Variants in FHIP2A observed in about 807,000 individuals in gnomAD.
The protein encoded by FHIP2A is family with sequence similarity 160 member B1.
In FHIP2A, 46 loss-of-function variants were observed where a neutral mutation model predicts 93.5. The observed-to-expected ratio is 0.49, with a 90% CI of 0.39 to 0.63. The LOEUF (loss-of-function observed/expected upper bound fraction) is 0.63, where lower values mean the gene tolerates loss of function less well. FHIP2A is among the 20% of genes least tolerant of loss of function. FHIP2A has a pLI of 0.00. For synonymous variants in FHIP2A, 332 were observed against 326.5 expected (o/e 1.02, Z -0.18); for missense variants, 769 against 909.7 (o/e 0.85, Z 1.99).
At chr10:114,844,051 GATC>G in intron 7 of FHIP2A, 114 bp downstream of exon 7, 1 of 713,412 alleles carries the variant, frequency 1.4e-6, no homozygotes, top group Non-Finnish European at 2.2e-6. Flanking sequence ...CACCACTAGT[GATC>G]ATTAAATGGG....
At chr10:114,836,648 C>T (rs1275360992) in intron 5 of FHIP2A, among the ~76,000 whole-genome samples, 2 of 152,140 alleles carry the variant, frequency 1.3e-5, no homozygotes, top group Non-Finnish European at 2.9e-5. Flanking sequence ...GAAAAAAGCA[C>T]GAGTTATCTC....
chr10:114,828,710 C>T (rs2083591361), intron 1 of FHIP2A, among the ~76,000 whole-genome samples: 1 of 151,744 alleles, frequency 6.6e-6, no homozygotes, highest in Non-Finnish European at 1.5e-5. Flanking sequence ...TTATTTTTTC[C>T]CTCAATCTCC....
intron 16 of FHIP2A, 45 bp downstream of exon 16, chr10:114,861,379 A>G (rs1264255066): frequency 4.3e-6 from 7 of 1,613,844 alleles, no homozygotes; most frequent in African/African-American, 2.7e-5. Flanking sequence ...ATTTCAGTGA[A>G]CTTAATGATC....
intron 14 of FHIP2A, 93 bp from the exon 15 acceptor site, chr10:114,860,656 T>C: frequency 9.1e-7 from 1 of 1,098,086 alleles, no homozygotes; most frequent in Non-Finnish European, 1.4e-6. Flanking sequence ...CTGGCCAGAT[T>C]CTCCTTTCTT....
intron 1 of FHIP2A, among the ~76,000 whole-genome samples, chr10:114,827,767 A>AGCCTGG (rs1481792081): frequency 2.4e-4 from 34 of 142,962 alleles, no homozygotes; most frequent in African/African-American, 8.5e-4. Context: ...ACTGCACTCC[A>AGCCTGG]GCCTGGGTGA....
intron 1 of FHIP2A, among the ~76,000 whole-genome samples, chr10:114,829,752 C>T (rs944444821): frequency 3.3e-5 from 5 of 152,196 alleles, no homozygotes; most frequent in African/African-American, 1.2e-4. Flanking sequence ...CCTCTGACAA[C>T]ACTAGGACTA....
intron 16 of FHIP2A, among the ~76,000 whole-genome samples, chr10:114,880,322 T>A (rs2083910575): frequency 6.6e-6 from 1 of 152,210 alleles, no homozygotes; most frequent in South Asian, 2.1e-4. Flanking sequence ...TTAAAAGCCA[T>A]TGAACCATAC....
chr10:114,871,546 T>G (rs868384472), intron 16 of FHIP2A, among the ~76,000 whole-genome samples: 2 of 152,166 alleles, frequency 1.3e-5, no homozygotes, highest in South Asian at 4.1e-4. Flanking sequence ...ATAATCCATT[T>G]TCCTCACTCA....
intron 1 of FHIP2A, among the ~76,000 whole-genome samples, chr10:114,824,825 T>C (rs1389003193): frequency 2.0e-5 from 3 of 152,230 alleles, no homozygotes; most frequent in African/African-American, 7.2e-5. Flanking sequence ...TAGCATTTCC[T>C]GATGCAGTAT....
At chr10:114,894,360 A>G (rs1430621775) in intron 16 of FHIP2A, among the ~76,000 whole-genome samples, 1 of 148,652 alleles carries the variant, frequency 6.7e-6, no homozygotes, top group African/African-American at 2.5e-5. Context: ...GGAGTTCAAG[A>G]CCAGCCTGGG....
chr10:114,881,038 CT>C (rs1455896891), intron 16 of FHIP2A, among the ~76,000 whole-genome samples: 1 of 152,192 alleles, frequency 6.6e-6, no homozygotes, highest in Non-Finnish European at 1.5e-5. Flanking sequence ...CAGTGTCAAA[CT>C]GCTGACCTGC....
chr10:114,853,565 A>C (rs189171245), intron 13 of FHIP2A, among the ~76,000 whole-genome samples: 5 of 152,362 alleles, frequency 3.3e-5, no homozygotes, highest in African/African-American at 1.2e-4. Flanking sequence ...AACTGCTTTT[A>C]TTCTTTCTGT....
intron 5 of FHIP2A, among the ~76,000 whole-genome samples, chr10:114,837,263 C>A (rs1457572421): frequency 6.6e-6 from 1 of 152,126 alleles, no homozygotes; most frequent in Non-Finnish European, 1.5e-5. Flanking sequence ...ACCTGTAATC[C>A]CAGCATTTTG....
intron 13 of FHIP2A, among the ~76,000 whole-genome samples, chr10:114,851,161 A>G (rs1185389907): frequency 2.0e-5 from 3 of 152,128 alleles, no homozygotes; most frequent in Admixed American, 6.5e-5. Context: ...TGATCTGCCC[A>G]CCTTGGCCTC....
downstream of FHIP2A, among the ~76,000 whole-genome samples, chr10:114,868,307 C>T (rs1485884421): frequency 6.6e-6 from 1 of 152,006 alleles, no homozygotes; most frequent in African/African-American, 2.4e-5. Context: ...CAGCAACATT[C>T]AATTCTCGTA....
chr10:114,834,144 AAAG>A (rs1406324017), intron 3 of FHIP2A, among the ~76,000 whole-genome samples: 18 of 152,354 alleles, frequency 1.2e-4, no homozygotes, highest in Middle Eastern at 3.4e-3. Context: ...GGCTAAAACA[AAAG>A]AAACCTGTAG....
At chr10:114,876,364 G>A (rs953958869) in intron 16 of FHIP2A, among the ~76,000 whole-genome samples, 1 of 152,222 alleles carries the variant, frequency 6.6e-6, no homozygotes, top group Non-Finnish European at 1.5e-5. Flanking sequence ...CCCCCTCATC[G>A]CCCGCAACAG....
chr10:114,824,525 C>T (rs1240765835), intron 1 of FHIP2A, among the ~76,000 whole-genome samples: 1 of 152,156 alleles, frequency 6.6e-6, no homozygotes, highest in Non-Finnish European at 1.5e-5. Flanking sequence ...TTTGTGGCAC[C>T]ACCCATCTTA....
intron 16 of FHIP2A, among the ~76,000 whole-genome samples, chr10:114,884,942 G>T (rs1483702342): frequency 2.0e-5 from 3 of 149,210 alleles, no homozygotes; most frequent in Non-Finnish European, 4.4e-5. Flanking sequence ...TATATGTAGA[G>T]TACTAGGACA....
Sources: allele counts gnomAD v4.1 joint callset (sites outside exome capture counted in the v4.1 genomes callset), GRCh38; gene constraint gnomAD v4.1.1; transcripts MANE v1.5; gene names NCBI Gene and HGNC (gene_info 2026-07-23, HGNC 2026-07-21).